Variants in GTF3C5 observed in about 807,000 individuals in gnomAD.
GTF3C5 encodes general transcription factor IIIC subunit 5, also known as general transcription factor 3C polypeptide 5.
GTF3C5 carries 47 observed loss-of-function variants against 61.0 expected under a neutral mutation model. The ratio of observed to expected loss-of-function variants is 0.77; its 90% CI spans 0.61 to 0.98. The LOEUF is 0.98. Among genes scored for constraint, GTF3C5 ranks in the 50% least tolerant of loss-of-function variants. GTF3C5 has a pLI of 0.00. For missense variants in GTF3C5, 659 were observed against 703.3 expected (o/e 0.94, Z 0.71); for synonymous variants, 295 against 275.4 (o/e 1.07, Z -0.71).
At chr9:133,056,649 C>T (rs553443754) in intron 9 of GTF3C5, 117 bp from the exon 10 acceptor site, 213 of 970,782 alleles carry the variant, frequency 2.2e-4, no homozygotes, top group Non-Finnish European at 2.9e-4. Flanking sequence ...GTAGACTTCG[C>T]TCACGGGGCT....
intron 1 of GTF3C5, among the ~76,000 whole-genome samples, chr9:133,037,008 C>G (rs1220053730): frequency 6.6e-6 from 1 of 152,034 alleles, no homozygotes; most frequent in Non-Finnish European, 1.5e-5. Flanking sequence ...GGGTCATCCA[C>G]GTATTGGAGC....
chr9:133,048,122 G>A (rs965737506), intron 3 of GTF3C5, among the ~76,000 whole-genome samples: 10 of 146,946 alleles, frequency 6.8e-5, no homozygotes, highest in East Asian at 2.1e-4. Flanking sequence ...GAGTGGGACC[G>A]TGTTTTAAAA....
chr9:133,044,604 G>T (rs1026387645), intron 3 of GTF3C5, among the ~76,000 whole-genome samples: 1 of 152,068 alleles, frequency 6.6e-6, no homozygotes, highest in Admixed American at 6.6e-5. Context: ...CACCTGCCAA[G>T]CCTTGGTCCT....
rs574237044 is a variant in GTF3C5, at chr9:133,045,834, A to G, written c.572+1908A>G. On this transcript the variant is annotated intron_variant, in intron 3 of 10. Transcript: ENST00000372097. ...GTATTTTTAGCAGAAATGAGGTTTC[A>G]CCATATTGGCCAGGCTGGTCTCGAA... Among the ~76,000 whole-genome samples, 229 of 152,100 alleles carry G rather than the reference A, an allele frequency of 1.5e-3. 1 individual carries two copies. Among genetic ancestry groups the G allele is most frequent in the African/African-American group, 5.2e-3 (216 of 41,496 alleles).
intron 5 of GTF3C5, 57 bp from the exon 6 acceptor site, chr9:133,053,771 C>T (rs766431964): frequency 3.9e-5 from 44 of 1,138,092 alleles, no homozygotes; most frequent in East Asian, 2.4e-4. Context: ...GGCTCTGGCC[C>T]GTCCAGGGAC....
Position 133,055,945 on chromosome 9 carries a change from G to A in GTF3C5, c.1168-67G>A, listed in dbSNP as rs1829924445. ...GAGACCCCATGGGAGCCTACATGGAGTCTGCAACACTGGCAGCCCCAGGGC... is the reference window on the plus strand; with the variant it reads ...GAGACCCCATGGGAGCCTACATGGAATCTGCAACACTGGCAGCCCCAGGGC... On this transcript the variant is annotated intron_variant, in intron 8 of 10. Coordinates refer to ENST00000372097, the MANE Select transcript of GTF3C5 (RefSeq NM_012087.4). 6.9e-6 allele frequency: 11 copies of A among 1,605,318 alleles called. No homozygotes were observed. The South Asian group carries it at 7.8e-5, about 11-fold the overall frequency.
At chr9:133,042,335 G>C in intron 2 of GTF3C5, 29 bp downstream of exon 2, 2 of 1,425,978 alleles carry the variant, frequency 1.4e-6, no homozygotes, top group Non-Finnish European at 2.0e-6. Flanking sequence ...TGCAATGTCT[G>C]GTTATTTCAG....
chr9:133,048,601 GGAGGTT>G (rs139061853), intron 3 of GTF3C5, among the ~76,000 whole-genome samples: 83 of 152,284 alleles, frequency 5.5e-4, no homozygotes, highest in African/African-American at 1.7e-3. Context: ...CCCAGGATGT[GGAGGTT>G]GAGGTGAGCT....
intron 3 of GTF3C5, among the ~76,000 whole-genome samples, chr9:133,047,114 C>T (rs185957903): frequency 3.2e-4 from 49 of 152,248 alleles, no homozygotes; most frequent in African/African-American, 1.0e-3. Context: ...ACAAGCAGTG[C>T]GGATCTCTGA....
Position 133,056,810 on chromosome 9 carries a change from G to A in GTF3C5, c.1295G>A (p.Cys432Tyr). 3.7e-6 allele frequency: 6 copies of A among 1,611,464 alleles called. No homozygotes were observed. The highest frequency in any genetic ancestry group is 5.1e-6 in the Non-Finnish European group (6 of 1,178,828). Residue 432 changes from cysteine (C) to tyrosine (Y), a missense_variant, in exon 10 of 11, where the codon TGC becomes TAC. Physicochemically the swap from Cys to Tyr is radical, Grantham distance 194 (BLOSUM62 -2). Transcript: ENST00000372097. ...CGCAATGACGGGGCAGAGAATTCCT[G>A]CACAGAACGGGATGGGTGGTGCCTC... ...IHRNDGAENSCTERDGWCLPK... is the reference protein window; with the variant it reads ...IHRNDGAENSYTERDGWCLPK...
intron 3 of GTF3C5, among the ~76,000 whole-genome samples, chr9:133,047,185 T>C (rs1850233611): frequency 6.6e-6 from 1 of 152,082 alleles, no homozygotes; most frequent in African/African-American, 2.4e-5. Flanking sequence ...ACAGAATTAA[T>C]AGCACTCCCC....
intron 1 of GTF3C5, among the ~76,000 whole-genome samples, chr9:133,031,490 T>C (rs1039183739): frequency 6.6e-6 from 1 of 152,122 alleles, no homozygotes; most frequent in Non-Finnish European, 1.5e-5. Flanking sequence ...TAGCTGGGAT[T>C]ACAGGCGCAT....
chr9:133,052,221 C>T lies in GTF3C5; in HGVS notation c.873+57C>T, dbSNP rs549765578. ...GTTTCCACCCATGTGGTCCCTGGTC[C>T]CTGCTGTGATGTCTTAGAGCCACAG... is the stretch of plus-strand genomic sequence containing the variant. On this transcript the variant is annotated intron_variant, in intron 5 of 10. Coordinates refer to ENST00000372097, the MANE Select transcript of GTF3C5 (RefSeq NM_012087.4). 129 of 934,972 alleles carry T rather than the reference C, an allele frequency of 1.4e-4. No homozygotes were observed. In the South Asian group the frequency reaches 1.7e-3, roughly 12 times the overall value. The allele number at this position is 934,972 out of a possible 1,614,324, so 57.9% of individuals were successfully genotyped here.
Position 133,042,181 on chromosome 9 carries a change from GCCTGCTGCTCCGCAT to G in GTF3C5, c.250_264del (p.Leu84_Ile88del). ...TGCGCCAACCGCTTCAGTACCAGCA[GCCTGCTGCTCCGCAT>G]CAGGAAGAGAACGAGGCGGCAGAAA... On this transcript the variant is annotated inframe_deletion, in exon 2 of 11. Transcript: ENST00000372097. The G allele has an allele frequency of 6.2e-7, 1 of 1,613,594 alleles. No homozygotes were observed. The highest frequency in any genetic ancestry group is 8.5e-7 in the Non-Finnish European group (1 of 1,179,454).
intron 1 of GTF3C5, among the ~76,000 whole-genome samples, chr9:133,032,039 G>A (rs965843803): frequency 1.6e-4 from 24 of 152,156 alleles, no homozygotes; most frequent in African/African-American, 5.8e-4. Flanking sequence ...TCTTTGAAAT[G>A]GAACTCATAA....
chr9:133,050,713 C>A, intron 3 of GTF3C5, 70 bp from the exon 4 acceptor site: 1 of 1,165,182 alleles, frequency 8.6e-7, no homozygotes, highest in Non-Finnish European at 1.2e-6. Flanking sequence ...GGCTCCCTGC[C>A]TGGTCTGGCC....
Position 133,053,515 on chromosome 9 carries a change from G to T in GTF3C5, c.874-313G>T, listed in dbSNP as rs186925780. ...TAGGAGGATCACTTGAGCCCAGGAGGTTGAGGCTGCAGTGAACCGTGATTT... is the reference window on the plus strand; with the variant it reads ...TAGGAGGATCACTTGAGCCCAGGAGTTTGAGGCTGCAGTGAACCGTGATTT... On this transcript the variant is annotated intron_variant, in intron 5 of 10. Transcript: ENST00000372097. Among the ~76,000 whole-genome samples the T allele has an allele frequency of 7.8e-4, 119 of 152,264 alleles. 1 individual carries two copies. Among genetic ancestry groups the T allele is most frequent in the African/African-American group, 2.8e-3 (115 of 41,552 alleles).
intron 8 of GTF3C5, chr9:133,055,631 G>T (rs1386424890): frequency 1.0e-6 from 1 of 985,324 alleles, no homozygotes; most frequent in Non-Finnish European, 1.2e-6. Flanking sequence ...CAGCCCATAG[G>T]GGGACATAGG....
intron 3 of GTF3C5, among the ~76,000 whole-genome samples, chr9:133,047,013 T>C (rs1850228902): frequency 6.6e-6 from 1 of 152,142 alleles, no homozygotes; most frequent in Non-Finnish European, 1.5e-5. Context: ...AGAATTGGAT[T>C]GTCTAGTAGC....
Sources: allele counts gnomAD v4.1 joint callset (sites outside exome capture counted in the v4.1 genomes callset), GRCh38; gene constraint gnomAD v4.1.1; transcripts MANE v1.5; gene names NCBI Gene and HGNC (gene_info 2026-07-23, HGNC 2026-07-21).